The following SPAG16 variants were observed in gnomAD, a reference collection of about 807,000 sequenced individuals.
SPAG16 encodes the protein sperm-associated antigen 16 protein.
Under a neutral mutation model 80.4 loss-of-function variants are expected in SPAG16, and 86 were observed. That is an observed-to-expected ratio of 1.07 (90% CI 0.90 to 1.28). The LOEUF is 1.28. SPAG16 is among the 50% of genes most tolerant of loss of function. The pLI is 0.00. For synonymous variants in SPAG16, 294 were observed against 265.9 expected, an observed-to-expected ratio of 1.11 and a Z score of -1.03; for missense variants, 870 against 765.3, an observed-to-expected ratio of 1.14 and a Z score of -1.61.
rs972952712 is a variant in SPAG16 at position 213,507,108 on chromosome 2, C to G, written c.1070+17018C>G. On this transcript the variant is annotated intron_variant, in intron 10 of 15. Coordinates refer to ENST00000331683, the MANE Select transcript of SPAG16 (RefSeq NM_024532.5). ...TTACCAGGGAGAATGACCACTGTAT[C>G]AAGAAAGCTATCAAAACTTACCCTA... Among the ~76,000 whole-genome samples, 16 of 152,284 alleles carry G rather than the reference C, an allele frequency of 1.1e-4. 1 individual carries two copies. The highest frequency in any genetic ancestry group is 2.2e-4 in the Non-Finnish European group (15 of 68,004).
intron 9 of SPAG16, among the ~76,000 whole-genome samples, chr2:213,445,591 G>A (rs942434556): frequency 2.0e-5 from 3 of 152,244 alleles, no homozygotes; most frequent in South Asian, 2.1e-4. Context: ...GCTTGAACCC[G>A]AGAGGTGGAG....
chr2:214,281,290 G>C (rs1692913800), intron 15 of SPAG16: 1 of 236,506 alleles, frequency 4.2e-6, no homozygotes, highest in East Asian at 1.0e-4. Flanking sequence ...AATGATATCT[G>C]TTACACTATC....
At chr2:214,351,483 C>T (rs938355152) in intron 15 of SPAG16, among the ~76,000 whole-genome samples, 2 of 151,886 alleles carry the variant, frequency 1.3e-5, no homozygotes, top group Non-Finnish European at 2.9e-5. Flanking sequence ...GGGTGGATCA[C>T]GAGGTCAGGA....
intron 15 of SPAG16, among the ~76,000 whole-genome samples, chr2:214,287,215 G>T (rs1360262613): frequency 1.3e-5 from 2 of 152,100 alleles, no homozygotes; most frequent in Non-Finnish European, 2.9e-5. Context: ...GACATTGAAT[G>T]ATTGCTGAAC....
rs1559101457 is a variant in SPAG16, at chr2:214,170,250, A to ATACATATACACACACACTTAGGTGTGTG, written c.1720+21010_1720+21011insTGTACATATACACACACACTTAGGTGTG. Among the ~76,000 whole-genome samples, 28 of 100,056 alleles carry ATACATATACACACACACTTAGGTGTGTG rather than the reference A, an allele frequency of 2.8e-4. 1 individual carries two copies. Among genetic ancestry groups the ATACATATACACACACACTTAGGTGTGTG allele is most frequent in the Middle Eastern group, 5.2e-3 (1 of 194 alleles). 65.6% of individuals were successfully genotyped at this position (100,056 alleles called of 152,430 possible). A position where few individuals can be genotyped will look rare whatever the true frequency, so the allele number is the denominator to read the frequency against. On this transcript the variant is annotated intron_variant, in intron 15 of 15. Coordinates refer to ENST00000331683, the MANE Select transcript of SPAG16 (RefSeq NM_024532.5). ...CGTATACACACACACTTAGGTGTGT[A>ATACATATACACACACACTTAGGTGTGTG]TACATATACACACACACTTAGGTGT...
chr2:214,018,577 A>G lies in SPAG16; in HGVS notation c.1527+4500A>G, dbSNP rs1306997263. Among the ~76,000 whole-genome samples the G allele has an allele frequency of 3.3e-5, 5 of 152,280 alleles. No individual in the cohort carries two copies. The South Asian group carries it at 8.3e-4, about 25-fold the overall frequency. On this transcript the variant is annotated intron_variant, in intron 13 of 15. Transcript: ENST00000331683. The stretch of plus-strand genomic sequence containing the variant: ...TCAACTGAATCCATGGTATACTGGC[A>G]TGCTTCTTCTTTATAATTTTTAAAA...
At chr2:214,395,958 C>G (rs1305862420) in intron 15 of SPAG16, among the ~76,000 whole-genome samples, 1 of 152,094 alleles carries the variant, frequency 6.6e-6, no homozygotes, top group East Asian at 1.9e-4. Context: ...GATTCTGTGT[C>G]TTTGCTATTG....
chr2:213,354,945 A>G (rs770076783), intron 7 of SPAG16, among the ~76,000 whole-genome samples: 10 of 152,168 alleles, frequency 6.6e-5, no homozygotes, highest in Non-Finnish European at 1.0e-4. Context: ...GCCCATGCCT[A>G]TGTCCTAAAT....
rs1334805368 is a variant in SPAG16 at position 214,371,646 on chromosome 2, A to ATAGAT, written c.1721-38491_1721-38487dup. ...TATAACACATAAGATATGAAACAATATAGATTATAAAATTATAAATATATA... is the reference window on the plus strand; with the variant it reads ...TATAACACATAAGATATGAAACAATATAGATTAGATTATAAAATTATAAATATATA... On this transcript the variant is annotated intron_variant, in intron 15 of 15. Coordinates refer to ENST00000331683, the MANE Select transcript of SPAG16 (RefSeq NM_024532.5). 7.3e-5 allele frequency among the ~76,000 whole-genome samples: 11 copies of ATAGAT among 151,122 alleles called. No homozygotes were observed. The East Asian group carries it at 1.9e-3, about 27-fold the overall frequency.
chr2:214,349,697 C>T (rs750376332), intron 15 of SPAG16, among the ~76,000 whole-genome samples: 13 of 152,204 alleles, frequency 8.5e-5, no homozygotes, highest in Non-Finnish European at 1.6e-4. Flanking sequence ...TATGTTCTCA[C>T]CACCAATGCA....
chr2:213,822,718 C>G (rs920673394), intron 10 of SPAG16, among the ~76,000 whole-genome samples: 3 of 152,100 alleles, frequency 2.0e-5, no homozygotes, highest in African/African-American at 7.2e-5. Context: ...CCTCTAAGTT[C>G]CCTCTCCTCA....
intron 9 of SPAG16, among the ~76,000 whole-genome samples, chr2:213,379,612 A>C (rs2067059992): frequency 6.6e-6 from 1 of 152,212 alleles, no homozygotes; most frequent in South Asian, 2.1e-4. Context: ...CCATATCCAG[A>C]GTAAGTGTCT....
intron 14 of SPAG16, among the ~76,000 whole-genome samples, chr2:214,121,187 C>T (rs965912060): frequency 4.0e-5 from 6 of 151,790 alleles, no homozygotes; most frequent in African/African-American, 1.4e-4. Context: ...GTTTGTTTTA[C>T]ATATTTAATA....
chr2:213,952,956 A>G (rs1575635718), intron 12 of SPAG16, among the ~76,000 whole-genome samples: 1 of 152,194 alleles, frequency 6.6e-6, no homozygotes, highest in African/African-American at 2.4e-5. Context: ...GCCCTTTTGG[A>G]ATAAAACTAA....
intron 9 of SPAG16, among the ~76,000 whole-genome samples, chr2:213,425,535 C>T (rs1283089926): frequency 1.3e-5 from 2 of 151,590 alleles, no homozygotes; most frequent in Non-Finnish European, 2.9e-5. Flanking sequence ...GCCTGTAATC[C>T]CAGCTACTCA....
chr2:213,630,603 C>T (rs1018960448), intron 10 of SPAG16, among the ~76,000 whole-genome samples: 2 of 151,856 alleles, frequency 1.3e-5, no homozygotes, highest in Non-Finnish European at 2.9e-5. Flanking sequence ...TGCAAAATAC[C>T]CAGCTCATTG....
chr2:214,008,248 T>A (rs972215059), intron 12 of SPAG16, among the ~76,000 whole-genome samples: 20 of 152,198 alleles, frequency 1.3e-4, no homozygotes, highest in African/African-American at 4.6e-4. Context: ...CCTTCTGAGA[T>A]TCTCTATCTG....
At chr2:214,051,240 A>G (rs1437547248) in intron 13 of SPAG16, among the ~76,000 whole-genome samples, 2 of 152,210 alleles carry the variant, frequency 1.3e-5, no homozygotes, top group African/African-American at 4.8e-5. Flanking sequence ...TATTCAGCTC[A>G]TGGTGTTTTC....
chr2:213,684,196 T>A (rs1187722542), intron 10 of SPAG16, among the ~76,000 whole-genome samples: 2 of 152,350 alleles, frequency 1.3e-5, no homozygotes, highest in Admixed American at 1.3e-4. Flanking sequence ...TGCTTGCTAA[T>A]AAAGATCAAA....
Sources: gnomAD v4.1 joint callset for allele counts (sites outside exome capture counted in the v4.1 genomes callset) on GRCh38, gnomAD v4.1.1 for gene constraint, MANE v1.5 for transcripts, NCBI Gene and HGNC (gene_info 2026-07-23, HGNC 2026-07-21) for gene names.